SHTN1: variants seen among roughly 807,000 people sequenced by gnomAD.
SHTN1 encodes the protein shootin 1.
SHTN1 carries 42 observed loss-of-function variants against 83.1 expected under a neutral mutation model. The observed-to-expected ratio is 0.51, with a 90% confidence interval of 0.39 to 0.65. The LOEUF (loss-of-function observed/expected upper bound fraction) is 0.65. Ranked by LOEUF, SHTN1 falls within the 30% of genes least tolerant of loss-of-function variation. The pLI is 0.00. For missense variants in SHTN1, 622 were observed against 737.8 expected (o/e 0.84, Z 1.82); for synonymous variants, 224 against 247.7 (o/e 0.90, Z 0.90).
chr10:117,032,735 C>T (rs1307327450), intron 2 of SHTN1, among the ~76,000 whole-genome samples: 1 of 152,138 alleles, frequency 6.6e-6, no homozygotes, highest in East Asian at 1.9e-4. Context: ...CTGCAGAATA[C>T]ACATTCTTTT....
At chr10:116,933,578 T>G (rs988060474) in intron 9 of SHTN1, among the ~76,000 whole-genome samples, 5 of 152,154 alleles carry the variant, frequency 3.3e-5, no homozygotes, top group African/African-American at 1.2e-4. Flanking sequence ...TGATGGGCAT[T>G]TGGGTTGGTT....
intron 16 of SHTN1, among the ~76,000 whole-genome samples, chr10:116,887,113 G>A (rs1363955012): frequency 6.6e-6 from 1 of 152,218 alleles, no homozygotes; most frequent in Non-Finnish European, 1.5e-5. Flanking sequence ...GACTTCAGGA[G>A]GGGGTGGTGG....
At chr10:117,108,863 T>A (rs1357245068) in intron 1 of SHTN1, among the ~76,000 whole-genome samples, 1 of 152,178 alleles carries the variant, frequency 6.6e-6, no homozygotes, top group Admixed American at 6.5e-5. Context: ...TGGGTACATA[T>A]GCCAGCTCTA....
chr10:117,097,030 G>GACAGACACAC (rs1554938946), intron 1 of SHTN1, among the ~76,000 whole-genome samples: 2 of 148,950 alleles, frequency 1.3e-5, no homozygotes, highest in Admixed American at 6.7e-5. Context: ...CACACACATA[G>GACAGACACAC]ACACACACAC....
chr10:117,006,549 G>C (rs1226946502), upstream of SHTN1, among the ~76,000 whole-genome samples: 5 of 131,238 alleles, frequency 3.8e-5, no homozygotes, highest in South Asian at 9.8e-4. Context: ...CTGGGTGACA[G>C]AGTGAGACTC....
chr10:116,994,370 G>A (rs963417630), intron 1 of SHTN1, among the ~76,000 whole-genome samples: 3 of 152,082 alleles, frequency 2.0e-5, no homozygotes, highest in Non-Finnish European at 2.9e-5. Context: ...AATTTATTAC[G>A]AGATTTAAAA....
chr10:116,911,395 A>C, intron 14 of SHTN1: 1 of 1,446,914 alleles, frequency 6.9e-7, no homozygotes, highest in South Asian at 1.4e-5. Context: ...GGAGGAATTT[A>C]GCTTCACATT....
At chr10:117,029,531 T>C (rs1194996621) in intron 2 of SHTN1, among the ~76,000 whole-genome samples, 2 of 152,324 alleles carry the variant, frequency 1.3e-5, no homozygotes, top group South Asian at 4.1e-4. Flanking sequence ...ATTGGAATGC[T>C]GAATGTTGGA....
intron 1 of SHTN1, among the ~76,000 whole-genome samples, chr10:117,059,951 C>G (rs970548326): frequency 4.6e-5 from 7 of 152,134 alleles, no homozygotes; most frequent in Non-Finnish European, 7.4e-5. Context: ...TGGCCGACGC[C>G]TGTAATCCCA....
At position 117,076,010 on chromosome 10, in the gene SHTN1, C is replaced by T. The variant is rs190760765; in HGVS notation, c.-188-27500G>A. On this transcript the variant is annotated intron_variant, in intron 1 of 17. Coordinates refer to the SHTN1 transcript ENST00000392901. ...CCAGCCTGGGCAACATAGTGGAACCCTATCTCTACTAAAAATAAAAAAATT... is the reference window on the plus strand; with the variant it reads ...CCAGCCTGGGCAACATAGTGGAACCTTATCTCTACTAAAAATAAAAAAATT... 3.9e-5 allele frequency among the ~76,000 whole-genome samples: 6 copies of T among 151,960 alleles called. No individual in the cohort carries two copies. In the East Asian group the frequency reaches 9.7e-4, roughly 25 times the overall value.
chr10:117,004,165 G>A (rs1376091304), intron 1 of SHTN1, among the ~76,000 whole-genome samples: 1 of 152,132 alleles, frequency 6.6e-6, no homozygotes, highest in Admixed American at 6.5e-5. Flanking sequence ...GAGATTACAG[G>A]CGTGAGCCAC....
chr10:116,966,956 A>G (rs1326495616), intron 3 of SHTN1, among the ~76,000 whole-genome samples: 1 of 152,264 alleles, frequency 6.6e-6, no homozygotes, highest in African/African-American at 2.4e-5. Flanking sequence ...AAGACAGGTA[A>G]TATCAATAAG....
At chr10:117,093,782 T>C (rs1170956492) in intron 1 of SHTN1, among the ~76,000 whole-genome samples, 1 of 152,152 alleles carries the variant, frequency 6.6e-6, no homozygotes, top group Non-Finnish European at 1.5e-5. Flanking sequence ...GTCAGTGCTA[T>C]TGTGCAGGTA....
chr10:117,037,920 T>C (rs1342160170), intron 2 of SHTN1, among the ~76,000 whole-genome samples: 1 of 958 alleles, frequency 1.0e-3, no homozygotes, highest in Non-Finnish European at 3.1e-3. Flanking sequence ...GCAGGATAAT[T>C]GTTTGAACTG....
At chr10:117,020,255 C>T (rs552574674) in intron 2 of SHTN1, among the ~76,000 whole-genome samples, 2 of 151,390 alleles carry the variant, frequency 1.3e-5, no homozygotes, top group East Asian at 3.9e-4. Flanking sequence ...TTTGGGAGGC[C>T]GAGGCAGGCA....
At chr10:117,048,331 A>C in intron 2 of SHTN1, 2 of 236,252 alleles carry the variant, frequency 8.5e-6, no homozygotes, top group Non-Finnish European at 1.4e-5. Flanking sequence ...TAACTAATCA[A>C]CACTCATTCA....
intron 1 of SHTN1, among the ~76,000 whole-genome samples, chr10:117,090,583 A>G (rs987481175): frequency 6.6e-6 from 1 of 152,210 alleles, no homozygotes; most frequent in Non-Finnish European, 1.5e-5. Flanking sequence ...TTTGAAATAA[A>G]ACAAAACAAT....
intron 12 of SHTN1, among the ~76,000 whole-genome samples, chr10:116,919,841 G>A (rs540996654): frequency 1.8e-4 from 24 of 129,818 alleles, no homozygotes; most frequent in Middle Eastern, 3.6e-3. Flanking sequence ...AAGGATTGCA[G>A]AAGGCAGGCA....
chr10:117,028,729 C>T (rs918769645), intron 2 of SHTN1, among the ~76,000 whole-genome samples: 1 of 152,194 alleles, frequency 6.6e-6, no homozygotes, highest in African/African-American at 2.4e-5. Context: ...GTTAAGCCTG[C>T]AGGTGCACAG....
Sources: allele counts gnomAD v4.1 joint callset (sites outside exome capture counted in the v4.1 genomes callset), GRCh38; gene constraint gnomAD v4.1.1; transcripts MANE v1.5; gene names NCBI Gene and HGNC (gene_info 2026-07-23, HGNC 2026-07-21).